GBP4: variants seen among roughly 807,000 people sequenced by gnomAD.
GBP4 encodes guanylate-binding protein 4.
A neutral mutation model predicts 62.2 loss-of-function variants in GBP4; 69 were observed. The ratio of observed to expected loss-of-function variants is 1.11; its 90% CI spans 0.91 to 1.36. The LOEUF is 1.36. Ranked by LOEUF, GBP4 falls within the 40% of genes most tolerant of loss-of-function variation. The probability of loss-of-function intolerance (pLI) is 0.00; values close to 1 mark genes in which losing one functional copy is unlikely to be tolerated. For missense variants in GBP4, 697 were observed against 759.3 expected, an observed-to-expected ratio of 0.92 and a Z score of 0.96; for synonymous variants, 278 against 274.6, an observed-to-expected ratio of 1.01 and a Z score of -0.12.
chr1:89,197,991 C>A (rs1648392301), intron 1 of GBP4, among the ~76,000 whole-genome samples: 1 of 151,498 alleles, frequency 6.6e-6, no homozygotes. Context: ...GCTAGATTTT[C>A]TTCTATACTT....
chr1:89,194,455 C>T (rs1648270685), intron 3 of GBP4, among the ~76,000 whole-genome samples: 1 of 152,148 alleles, frequency 6.6e-6, no homozygotes, highest in Non-Finnish European at 1.5e-5. Flanking sequence ...TTTGATATTA[C>T]ACTAAGAGAA....
rs756945142 is a variant in GBP4 at position 89,197,172 on chromosome 1, A to G, written c.173T>C (p.Ile58Thr). Residue 58 changes from isoleucine (I) to threonine (T), a missense_variant, in exon 2 of 11, where the codon ATT becomes ACT. Around this residue, in one of 2 missense-constraint regions of GBP4, gnomAD observed 556 missense variants for 562.7 expected, o/e 0.99. Coordinates refer to ENST00000355754, the MANE Select transcript of GBP4 (RefSeq NM_052941.5). ...KISQPVVVVA[I>T]VGLYRTGKSY... ...TTTTCCTGTGCGGTATAGCCCTACA[A>G]TGGCCACCACCACCACGGGCTGAGA... 1.2e-6 allele frequency: 2 copies of G among 1,614,132 alleles called. No homozygotes were observed. Among genetic ancestry groups the G allele is most frequent in the South Asian group, 2.2e-5 (2 of 91,088 alleles).
chr1:89,195,267 A>G (rs377380112), intron 3 of GBP4, 30 bp downstream of exon 3: 1 of 1,611,496 alleles, frequency 6.2e-7, no homozygotes, highest in Non-Finnish European at 8.5e-7. Context: ...TGAGAGGTCA[A>G]CCATGAGCGG....
rs778109948 is a variant in GBP4, at chr1:89,190,127, C to T, written c.1108G>A (p.Val370Met). 32 of 1,614,034 alleles carry T rather than the reference C, an allele frequency of 2.0e-5. No individual in the cohort carries two copies. Among genetic ancestry groups the T allele is most frequent in the African/African-American group, 4.0e-5 (3 of 74,934 alleles). The change falls in exon 7 of 11, where the codon GTG (valine) becomes ATG (methionine). Residue 370 changes from valine to methionine, a missense_variant. This residue lies in a region of GBP4 where 556 missense variants were observed against 562.7 expected (regional missense o/e 0.99). Transcript: ENST00000355754. ...GCTTCCCTCTCACAGGCTGCATGCA[C>T]GTCCAGCAGCTCCTGGAGCGTGTCT... is the stretch of plus-strand genomic sequence containing the variant. ...PTDTLQELLD[V>M]HAACEREAIA... is the part of the protein sequence containing the mutation.
rs766082145 is a variant in GBP4 at position 89,197,286 on chromosome 1, G to A, written c.59C>T (p.Ser20Phe). 5.0e-6 allele frequency: 8 copies of A among 1,613,800 alleles called. No homozygotes were observed. The highest frequency in any genetic ancestry group is 2.2e-5 in the East Asian group (1 of 44,884). ...TAGACAAATGGGGGCCATCATGATG[G>A]ATTCAGATTCTGGATAACCTGTAAC... is the stretch of plus-strand genomic sequence containing the variant. ...VPTPGYPESE[S>F]IMMAPICLVE... The change falls in exon 2 of 11, where the codon TCC becomes TTC. Residue 20 changes from serine (S) to phenylalanine (F), a missense_variant. By Grantham distance (155) the Ser-to-Phe change is radical (BLOSUM62 -2). Coordinates refer to ENST00000355754, the MANE Select transcript of GBP4 (RefSeq NM_052941.5).
In GBP4 at chr1:89,191,307, A is replaced by G. The variant is rs1420798180; in HGVS notation, c.870T>C (p.His290=). The change falls in exon 6 of 11, where the codon CAT becomes CAC. Residue 290 remains histidine, a synonymous_variant. Coordinates refer to ENST00000355754, the MANE Select transcript of GBP4 (RefSeq NM_052941.5). ...CCTCTCTCAGGGTCTTGGTCTTTGC[A>G]TGGGTGAAGATATAAGAACAGAAGT... ...SDNFCSYIFT[H]AKTKTLREGI... is the part of the protein sequence containing the mutation. The G allele has an allele frequency of 2.5e-6, 4 of 1,614,184 alleles. No individual in the cohort carries two copies. The South Asian group carries it at 3.3e-5, about 13-fold the overall frequency.
chr1:89,194,050 C>G (rs1334822608), intron 3 of GBP4, among the ~76,000 whole-genome samples: 7 of 152,154 alleles, frequency 4.6e-5, no homozygotes, highest in Non-Finnish European at 1.0e-4. Flanking sequence ...ATGAAGGCAG[C>G]AGTTTGAAAA....
At chr1:89,190,489 A>AT (rs1361304937) in intron 6 of GBP4, among the ~76,000 whole-genome samples, 171 bp from the exon 7 acceptor site, 3 of 152,136 alleles carry the variant, frequency 2.0e-5, no homozygotes, top group Non-Finnish European at 4.4e-5. Context: ...TCAACTCTTT[A>AT]TAATAACATC....
At chr1:89,188,163 GATCATC>G (rs10595348) in intron 8 of GBP4, among the ~76,000 whole-genome samples, 10 of 151,194 alleles carry the variant, frequency 6.6e-5, no homozygotes, top group Non-Finnish European at 1.3e-4. Context: ...GAATCATCAA[GATCATC>G]ATCATCATCA....
rs903161874 is a variant in GBP4, at chr1:89,182,110, C to G, written c.*3144G>C. 5.3e-5 allele frequency: 8 copies of G among 152,080 alleles called. No homozygotes were observed. Among genetic ancestry groups the G allele is most frequent in the African/African-American group, 1.9e-4 (8 of 41,406 alleles). The allele number at this position is 152,080 out of a possible 1,614,324, so 9.4% of individuals were successfully genotyped here. On this transcript the variant is annotated 3_prime_UTR_variant, in exon 11 of 11. Coordinates refer to ENST00000355754, the MANE Select transcript of GBP4 (RefSeq NM_052941.5). ...GGGTTGTTTTAAGAAGCCTGTGTCC[C>G]CTGTGAAAAGGCCCATGGCATATCT...
chr1:89,186,213 A>C (rs535730250), intron 10 of GBP4, 120 bp downstream of exon 10: 1 of 756,446 alleles, frequency 1.3e-6, no homozygotes, highest in African/African-American at 1.7e-5. Flanking sequence ...GATTTTAGTG[A>C]AACATACAAC....
intron 8 of GBP4, among the ~76,000 whole-genome samples, 172 bp downstream of exon 8, chr1:89,188,410 G>A (rs905391949): frequency 2.0e-5 from 3 of 152,128 alleles, no homozygotes; most frequent in Non-Finnish European, 4.4e-5. Context: ...AAATATTTCT[G>A]ATTTCTTAAG....
Position 89,192,975 on chromosome 1 carries a change from A to G in GBP4, c.599T>C (p.Leu200Pro), listed in dbSNP as rs1365601019. Residue 200 changes from leucine to proline, a missense_variant, in exon 5 of 11, where the codon CTG (leucine) becomes CCG (proline). By Grantham distance (98) the Leu-to-Pro change is moderately conservative. Coordinates refer to ENST00000355754, the MANE Select transcript of GBP4 (RefSeq NM_052941.5). ...DFIWTVRDFT[L>P]ELKLDGNPIT... The stretch of plus-strand genomic sequence containing the variant: ...GGGGTTTCCATCTAACTTTAGCTCC[A>G]GGGTAAAATCCCGAACAGTCCAAAT... 1.2e-6 allele frequency: 2 copies of G among 1,614,076 alleles called. No homozygotes were observed. Among genetic ancestry groups the G allele is most frequent in the Admixed American group, 1.7e-5 (1 of 60,000 alleles).
intron 1 of GBP4, among the ~76,000 whole-genome samples, chr1:89,198,190 G>A (rs1461629604): frequency 2.6e-5 from 4 of 152,184 alleles, no homozygotes; most frequent in South Asian, 2.1e-4. Flanking sequence ...AAACGCGGGG[G>A]GCTCTGGGTG....
At chr1:89,192,051 A>G (rs1357877091) in intron 5 of GBP4, among the ~76,000 whole-genome samples, 1 of 152,214 alleles carries the variant, frequency 6.6e-6, no homozygotes, top group African/African-American at 2.4e-5. Context: ...TTTATCTGAA[A>G]AATCCAGAGT....
At position 89,185,288 on chromosome 1, in the gene GBP4, C is replaced by T. The variant is rs1413539459; in HGVS notation, c.1889G>A (p.Gly630Glu). ...TGAGCCAAGATATTTTGTCCCTACTCCAAGTAGCTTGGAAGCCCCAGGTAG... is the reference window on the plus strand; with the variant it reads ...TGAGCCAAGATATTTTGTCCCTACTTCAAGTAGCTTGGAAGCCCCAGGTAG... ...VTLPGASKLL[G>E]VGTKYLGSRI The change falls in exon 11 of 11, where the codon GGA (glycine) becomes GAA (glutamate). Residue 630 changes from glycine (G) to glutamate (E), a missense_variant. Around this residue, in one of 2 missense-constraint regions of GBP4, gnomAD observed 141 missense variants for 196.6 expected, o/e 0.72. Coordinates refer to ENST00000355754, the MANE Select transcript of GBP4 (RefSeq NM_052941.5). 4 of 1,613,082 alleles carry T rather than the reference C, an allele frequency of 2.5e-6. No individual in the cohort carries two copies. The highest frequency in any genetic ancestry group is 2.7e-5 in the African/African-American group (2 of 74,884).
At position 89,198,828 on chromosome 1, in the gene GBP4, C is replaced by T. The variant is rs1450591918; in HGVS notation, c.7G>A (p.Glu3Lys). MG[E>K]RTLHAAVPTP... ...GGCACTGCAGCGTGAAGAGTTCTCT[C>T]ACCCATTGCTCTGTCCTCCTGCGCC... is the stretch of plus-strand genomic sequence containing the variant. The change falls in exon 1 of 11, where the codon GAG becomes AAG. Residue 3 changes from glutamate to lysine, a missense_variant. By Grantham distance (56) the Glu-to-Lys change is moderately conservative (BLOSUM62 1). Around this residue, in one of 2 missense-constraint regions of GBP4, gnomAD observed 556 missense variants for 562.7 expected, o/e 0.99. Transcript: ENST00000355754. The T allele has an allele frequency of 1.9e-6, 3 of 1,613,988 alleles. No individual in the cohort carries two copies. Among genetic ancestry groups the T allele is most frequent in the Non-Finnish European group, 8.5e-7 (1 of 1,179,824 alleles).
In GBP4 at chr1:89,183,663, G is replaced by T. The variant is rs1647952450; in HGVS notation, c.*1591C>A. On this transcript the variant is annotated 3_prime_UTR_variant, in exon 11 of 11. Transcript: ENST00000355754. ...GGAGGCTGAAGCAGGCAGATTGCTT[G>T]AGCTCAGTAGTTCAAGACCAGCTTG... is the stretch of plus-strand genomic sequence containing the variant. 1 of 152,182 alleles carries T rather than the reference G, an allele frequency of 6.6e-6. No homozygotes were observed. The highest frequency in any genetic ancestry group is 6.5e-5 in the Admixed American group (1 of 15,286). 9.4% of individuals were successfully genotyped at this position (152,182 alleles called of 1,614,324 possible).
intron 5 of GBP4, 21 bp from the exon 6 acceptor site, chr1:89,191,527 G>A: frequency 2.5e-6 from 4 of 1,605,580 alleles, no homozygotes; most frequent in Non-Finnish European, 3.4e-6. Flanking sequence ...GTAAAAAAGA[G>A]GGCTCATTGA....
Sources: allele counts gnomAD v4.1 joint callset (sites outside exome capture counted in the v4.1 genomes callset), GRCh38; gene constraint gnomAD v4.1.1; regional missense constraint gnomAD v4.1.1; transcripts MANE v1.5; gene names NCBI Gene and HGNC (gene_info 2026-07-23, HGNC 2026-07-21).